The following RP1 variants were observed in gnomAD, a reference collection of about 807,000 sequenced individuals.
The protein encoded by RP1 is RP1 axonemal microtubule associated.
RP1 carries 16 observed loss-of-function variants against 14.8 expected under a neutral mutation model. That is an observed-to-expected ratio of 1.08 (90% CI 0.73 to 1.65). The LOEUF (loss-of-function observed/expected upper bound fraction) is 1.65, where lower values mean the gene tolerates loss of function less well. RP1 is among the 40% of genes most tolerant of loss of function. The pLI, the probability that RP1 is intolerant of heterozygous loss-of-function variation, is 0.00. For synonymous variants in RP1, 876 were observed against 883.6 expected, an observed-to-expected ratio of 0.99 and a Z score of 0.15; for missense variants, 2,631 against 2,535.0, an observed-to-expected ratio of 1.04 and a Z score of -0.81.
rs16920621 is a variant in RP1, at chr8:54,626,715, G to A, written c.2833G>A (p.Val945Ile). The change falls in exon 4 of 4, where the codon GTA becomes ATA. Residue 945 changes from valine (V) to isoleucine (I), a missense_variant. Val to Ile is a conservative substitution (Grantham distance 29). Coordinates refer to ENST00000220676, the MANE Select transcript of RP1 (RefSeq NM_006269.2). ...APVCRNETSV[V>I]NCSNNSFSGN... ...AGTATGTAGAAATGAAACGAGTGTG[G>A]TAAATTGTAGCAATAATAGTTTTTC... 1 of 1,613,930 alleles carries A rather than the reference G, an allele frequency of 6.2e-7. No homozygotes were observed.
chr8:54,785,061 T>C (rs1225568441), intron 24 of RP1, among the ~76,000 whole-genome samples: 1 of 152,104 alleles, frequency 6.6e-6, no homozygotes, highest in Non-Finnish European at 1.5e-5. Flanking sequence ...ATTTAAAGTG[T>C]ATAAAGTGTA....
chr8:54,647,839 C>T (rs916507361), intron 3 of RP1, among the ~76,000 whole-genome samples: 2 of 152,000 alleles, frequency 1.3e-5, no homozygotes, highest in Admixed American at 1.3e-4. Context: ...TACAGGCATG[C>T]GCCACCACAT....
chr8:54,667,259 C>G (rs1807039499), intron 7 of RP1, among the ~76,000 whole-genome samples: 1 of 152,016 alleles, frequency 6.6e-6, no homozygotes, highest in Non-Finnish European at 1.5e-5. Context: ...AGGAAGACTG[C>G]AGAATTGCAC....
intron 8 of RP1, among the ~76,000 whole-genome samples, chr8:54,674,931 T>A (rs1005006871): frequency 5.3e-5 from 8 of 152,176 alleles, no homozygotes; most frequent in Non-Finnish European, 8.8e-5. Flanking sequence ...AAATATTAAG[T>A]CAAATAATGT....
rs552185699 is a variant in RP1 at position 54,834,307 on chromosome 8, G to A, written c.3616-3143G>A. Among the ~76,000 whole-genome samples the A allele has an allele frequency of 1.1e-3, 174 of 152,106 alleles. 2 individuals are homozygous for A. Among genetic ancestry groups the A allele is most frequent in the Non-Finnish European group, 1.2e-3 (83 of 67,906 alleles). On this transcript the variant is annotated intron_variant, in intron 24 of 28. Coordinates refer to the RP1 transcript ENST00000637698. ...AGTCAAGGTCAGAGTCAGGGGTTCC[G>A]GAGTAGGAGAATATGATATTCTGTG...
rs186047344 is a variant in RP1 at position 54,746,081 on chromosome 8, G to A, written c.2808+7052G>A. Among the ~76,000 whole-genome samples the A allele has an allele frequency of 2.2e-3, 341 of 152,280 alleles. 1 individual carries two copies. The highest frequency in any genetic ancestry group is 3.8e-3 in the Non-Finnish European group (258 of 68,014). On this transcript the variant is annotated intron_variant, in intron 19 of 22. Coordinates refer to the RP1 transcript ENST00000636932. The stretch of plus-strand genomic sequence containing the variant: ...ATTATTAGGACATATGTCATTATTA[G>A]GATCATTCTCCCCATTAATGATCAG...
chr8:54,865,015 G>A (rs1332950069), intron 27 of RP1, among the ~76,000 whole-genome samples: 3 of 151,676 alleles, frequency 2.0e-5, no homozygotes, highest in African/African-American at 4.8e-5. Flanking sequence ...GGCTTTTTTT[G>A]CTGTCATTTC....
At chr8:54,731,785 T>C (rs1179831606) in intron 17 of RP1, among the ~76,000 whole-genome samples, 1 of 152,112 alleles carries the variant, frequency 6.6e-6, no homozygotes, top group Non-Finnish European at 1.5e-5. Context: ...TGCACGGACA[T>C]GGAAAAAAAA....
At chr8:54,658,543 T>C (rs1806806800) in intron 6 of RP1, among the ~76,000 whole-genome samples, 1 of 89,810 alleles carries the variant, frequency 1.1e-5, no homozygotes, top group Admixed American at 1.8e-4. Flanking sequence ...AGAGCGAGAC[T>C]CCGTCTCAAA....
chr8:54,736,028 G>A (rs1450424326), intron 18 of RP1, among the ~76,000 whole-genome samples: 1 of 152,110 alleles, frequency 6.6e-6, no homozygotes, highest in East Asian at 1.9e-4. Context: ...TAATTTGCCT[G>A]AGGTACAGTC....
At chr8:54,717,871 C>G (rs928121722) in intron 15 of RP1, among the ~76,000 whole-genome samples, 3 of 152,036 alleles carry the variant, frequency 2.0e-5, no homozygotes, top group African/African-American at 7.2e-5. Context: ...ATTTCAGAAT[C>G]AGTAAGTGTT....
At chr8:54,571,404 T>C (rs1804519768) in intron 1 of RP1, among the ~76,000 whole-genome samples, 1 of 152,170 alleles carries the variant, frequency 6.6e-6, no homozygotes, top group Non-Finnish European at 1.5e-5. Flanking sequence ...GCCTAACATA[T>C]CATAGGTGCT....
intron 23 of RP1, among the ~76,000 whole-genome samples, chr8:54,777,655 A>C (rs1810075615): frequency 6.6e-6 from 1 of 152,208 alleles, no homozygotes; most frequent in Admixed American, 6.5e-5. Flanking sequence ...AAAAATTAAA[A>C]AAAATCTCAT....
At chr8:54,636,549 C>G in intron 3 of RP1, among the ~76,000 whole-genome samples, 1 of 152,136 alleles carries the variant, frequency 6.6e-6, no homozygotes, top group East Asian at 1.9e-4. Context: ...ACCAGCCTGG[C>G]CAACATGGTG....
chr8:54,697,898 G>A (rs745963814), intron 12 of RP1, among the ~76,000 whole-genome samples: 1 of 152,124 alleles, frequency 6.6e-6, no homozygotes, highest in African/African-American at 2.4e-5. Flanking sequence ...ACTCAAGATG[G>A]ATTAAAGACT....
chr8:54,756,174 A>T (rs1809500408), intron 21 of RP1, among the ~76,000 whole-genome samples: 1 of 152,232 alleles, frequency 6.6e-6, no homozygotes, highest in Admixed American at 6.5e-5. Context: ...TTAATCTATA[A>T]AACATTTTGA....
chr8:54,679,948 CA>C lies in RP1; in HGVS notation c.1717+18del. ...AGACAAATATGGTAAAACTATCGTA[CA>C]AAGCTTGTGGTGCTGGACAGGTCTG... On this transcript the variant is annotated intron_variant, in intron 12 of 22. Transcript: ENST00000636932. 3 of 1,535,388 alleles carry C rather than the reference CA, an allele frequency of 2.0e-6. No homozygotes were observed. The South Asian group carries it at 3.6e-5, about 18-fold the overall frequency.
intron 19 of RP1, among the ~76,000 whole-genome samples, chr8:54,741,937 A>G (rs923571576): frequency 1.3e-5 from 2 of 151,524 alleles, no homozygotes; most frequent in Non-Finnish European, 2.9e-5. Flanking sequence ...TTTCTGCCTA[A>G]TAGCAGCTCT....
At position 54,789,767 on chromosome 8, in the gene RP1, C is replaced by G. The variant is rs141899151; in HGVS notation, c.3615+6057C>G. Among the ~76,000 whole-genome samples the G allele has an allele frequency of 2.7e-4, 41 of 152,326 alleles. No individual in the cohort carries two copies. In the East Asian group the frequency reaches 6.6e-3, roughly 24 times the overall value. On this transcript the variant is annotated intron_variant, in intron 24 of 28. Coordinates refer to the RP1 transcript ENST00000637698. ...AACTGCAGGGCACAATCTACAGATT[C>G]TCCCAAACTGAGAGCCCAGTAGAGG...
Sources: gnomAD v4.1 joint callset for allele counts (sites outside exome capture counted in the v4.1 genomes callset) on GRCh38, gnomAD v4.1.1 for gene constraint, MANE v1.5 for transcripts, NCBI Gene and HGNC (gene_info 2026-07-23, HGNC 2026-07-21) for gene names.